The following QPCT variants were observed in gnomAD, a reference collection of about 807,000 sequenced individuals.
QPCT encodes glutaminyl-peptide cyclotransferase, also known as EC.
In QPCT, 44 loss-of-function variants were observed where a neutral mutation model predicts 43.4. The ratio of observed to expected loss-of-function variants is 1.01; its 90% CI spans 0.80 to 1.30. QPCT has a LOEUF of 1.30. QPCT is among the 50% of genes most tolerant of loss of function. QPCT has a pLI of 0.00. For missense variants in QPCT, 526 were observed against 436.5 expected, an observed-to-expected ratio of 1.21 and a Z score of -1.83; for synonymous variants, 168 against 168.4, an observed-to-expected ratio of 1.00 and a Z score of 0.02.
chr2:37,372,533 C>T, intron 6 of QPCT, 61 bp downstream of exon 6: 1 of 1,487,112 alleles, frequency 6.7e-7, no homozygotes, highest in Non-Finnish European at 9.4e-7. Flanking sequence ...TTTTGGAGTA[C>T]AACGGTGGGA....
chr2:37,353,969 A>G (rs1412774984), intron 2 of QPCT, among the ~76,000 whole-genome samples: 2 of 152,104 alleles, frequency 1.3e-5, no homozygotes, highest in African/African-American at 4.8e-5. Context: ...GGTTCACACT[A>G]TTCTCCTGCC....
chr2:37,372,264 G>A (rs1673092110), intron 5 of QPCT, 92 bp from the exon 6 acceptor site: 3 of 911,378 alleles, frequency 3.3e-6, no homozygotes, highest in Non-Finnish European at 3.6e-6. Flanking sequence ...GGACACATGT[G>A]CTAAGATTTC....
At chr2:37,353,636 C>A (rs1353633268) in intron 2 of QPCT, among the ~76,000 whole-genome samples, 2 of 152,250 alleles carry the variant, frequency 1.3e-5, no homozygotes, top group South Asian at 2.1e-4. Context: ...GTAGAACAAG[C>A]TGGGCCAGAC....
chr2:37,344,702 G>A lies in QPCT; in HGVS notation c.-30G>A. On this transcript the variant is annotated 5_prime_UTR_variant, in exon 1 of 7. Coordinates refer to ENST00000338415, the MANE Select transcript of QPCT (RefSeq NM_012413.4). ...CGGGCTCGTGACCGCCAGCGGCCCG[G>A]GGAACCCGCTCCCAGACAGACTCGG... The A allele has an allele frequency of 6.3e-7, 1 of 1,582,536 alleles. No homozygotes were observed. Among genetic ancestry groups the A allele is most frequent in the Non-Finnish European group, 8.6e-7 (1 of 1,165,900 alleles).
intron 1 of QPCT, among the ~76,000 whole-genome samples, chr2:37,351,006 T>C (rs1672608465): frequency 1.3e-5 from 2 of 152,216 alleles, no homozygotes; most frequent in South Asian, 4.1e-4. Context: ...AGAGGGTCTG[T>C]CTGATCCTAT....
chr2:37,364,884 ATGTGTGTGTTGTGT>A (rs1378517922), intron 3 of QPCT, among the ~76,000 whole-genome samples: 9 of 151,490 alleles, frequency 5.9e-5, no homozygotes, highest in Non-Finnish European at 1.2e-4. Context: ...ATTTACATGT[ATGTGTGTGTTGTGT>A]TGTGTGTGTG....
At chr2:37,369,152 G>C (rs1054133964) in intron 4 of QPCT, among the ~76,000 whole-genome samples, 2 of 152,192 alleles carry the variant, frequency 1.3e-5, no homozygotes, top group African/African-American at 4.8e-5. Flanking sequence ...AGATCAGCTA[G>C]TTTGAGCTTC....
At chr2:37,351,878 A>T (rs1453675435) in intron 1 of QPCT, among the ~76,000 whole-genome samples, 1 of 151,940 alleles carries the variant, frequency 6.6e-6, no homozygotes, top group Non-Finnish European at 1.5e-5. Flanking sequence ...GTGAAACTCC[A>T]TCTAAAATAA....
intron 3 of QPCT, among the ~76,000 whole-genome samples, chr2:37,364,783 G>A (rs1282064469): frequency 2.6e-5 from 4 of 152,052 alleles, no homozygotes; most frequent in Admixed American, 6.6e-5. Context: ...GTCTATTAAC[G>A]TCTATGTGGA....
At chr2:37,365,330 T>A (rs553875206) in intron 3 of QPCT, among the ~76,000 whole-genome samples, 1 of 152,324 alleles carries the variant, frequency 6.6e-6, no homozygotes, top group East Asian at 1.9e-4. Context: ...ATTAACTGTG[T>A]TGAATGCTGA....
intron 2 of QPCT, among the ~76,000 whole-genome samples, chr2:37,353,525 C>T (rs1558601931): frequency 6.6e-6 from 1 of 152,206 alleles, no homozygotes; most frequent in Non-Finnish European, 1.5e-5. Context: ...CAGCATTTTA[C>T]TGCAATATGG....
chr2:37,347,666 T>C (rs1386987094), intron 1 of QPCT, among the ~76,000 whole-genome samples: 1 of 152,174 alleles, frequency 6.6e-6, no homozygotes, highest in African/African-American at 2.4e-5. Flanking sequence ...TGGGTGCTAA[T>C]CCATATTCCA....
At chr2:37,368,728 G>A (rs1673014696) in intron 4 of QPCT, 1 of 470,598 alleles carries the variant, frequency 2.1e-6, no homozygotes, top group African/African-American at 2.0e-5. Context: ...CACAAGAGGA[G>A]ACGCCTGGTT....
chr2:37,349,532 G>A (rs987358293), intron 1 of QPCT, among the ~76,000 whole-genome samples: 1 of 152,194 alleles, frequency 6.6e-6, no homozygotes, highest in Non-Finnish European at 1.5e-5. Flanking sequence ...CTCTGGACAT[G>A]GAGTGAAAGC....
rs761588700 is a variant in QPCT at position 37,367,278 on chromosome 2, T to C, written c.593T>C (p.Phe198Ser). 3.7e-6 allele frequency: 6 copies of C among 1,613,984 alleles called. No homozygotes were observed. The South Asian group carries it at 6.6e-5, about 18-fold the overall frequency. ...GATTTGTCACTCCAGCTGATCTTCTTTGATGGTGAAGAGGCTTTTCTTCAC... is the reference window on the plus strand; with the variant it reads ...GATTTGTCACTCCAGCTGATCTTCTCTGATGGTGAAGAGGCTTTTCTTCAC... ...KPDLSLQLIF[F>S]DGEEAFLHWS... The change falls in exon 4 of 7, where the codon TTT (phenylalanine) becomes TCT (serine). Residue 198 changes from phenylalanine (F) to serine (S), a missense_variant. By Grantham distance (155) the Phe-to-Ser change is radical. Coordinates refer to ENST00000338415, the MANE Select transcript of QPCT (RefSeq NM_012413.4).
At chr2:37,348,324 C>T (rs763233690) in intron 1 of QPCT, among the ~76,000 whole-genome samples, 10 of 152,038 alleles carry the variant, frequency 6.6e-5, no homozygotes, top group Non-Finnish European at 1.3e-4. Context: ...GGTTAAAGCC[C>T]GCACGGCTCT....
At chr2:37,356,446 C>A (rs1672747084) in intron 2 of QPCT, among the ~76,000 whole-genome samples, 1 of 152,166 alleles carries the variant, frequency 6.6e-6, no homozygotes, top group African/African-American at 2.4e-5. Flanking sequence ...GGGTCCAGCC[C>A]TTTGCTGCTT....
intron 1 of QPCT, among the ~76,000 whole-genome samples, chr2:37,345,189 C>T (rs1672457220): frequency 6.6e-6 from 1 of 152,168 alleles, no homozygotes; most frequent in African/African-American, 2.4e-5. Flanking sequence ...CGCGGCGCCA[C>T]CCCCCACTCG....
At chr2:37,366,293 C>T (rs781705500) in intron 3 of QPCT, among the ~76,000 whole-genome samples, 4 of 152,138 alleles carry the variant, frequency 2.6e-5, no homozygotes, top group Non-Finnish European at 4.4e-5. Flanking sequence ...TAGTTCCATT[C>T]AAATACTGTC....
Sources: allele counts gnomAD v4.1 joint callset (sites outside exome capture counted in the v4.1 genomes callset), GRCh38; gene constraint gnomAD v4.1.1; transcripts MANE v1.5; gene names NCBI Gene and HGNC (gene_info 2026-07-23, HGNC 2026-07-21).